DGKB: variants seen among roughly 807,000 people sequenced by gnomAD.
DGKB encodes 90 kDa diacylglycerol kinase.
A neutral mutation model predicts 114.3 loss-of-function variants in DGKB; 67 were observed. The ratio of observed to expected loss-of-function variants is 0.59; its 90% CI spans 0.48 to 0.72. DGKB has a LOEUF of 0.72. DGKB is among the 30% of genes least tolerant of loss of function. DGKB has a pLI of 0.00. For synonymous variants in DGKB, 398 were observed against 323.1 expected (o/e 1.23, Z -2.49); for missense variants, 907 against 975.2 (o/e 0.93, Z 0.93).
intron 1 of DGKB, among the ~76,000 whole-genome samples, chr7:14,873,920 A>G (rs1017975580): frequency 6.6e-6 from 1 of 152,126 alleles, no homozygotes; most frequent in Non-Finnish European, 1.5e-5. Context: ...TTGGTATAAA[A>G]TATGGAATAA....
intron 12 of DGKB, among the ~76,000 whole-genome samples, chr7:14,678,437 C>T (rs1327895580): frequency 1.3e-5 from 2 of 151,994 alleles, no homozygotes; most frequent in African/African-American, 4.8e-5. Flanking sequence ...AAGACAGGTG[C>T]ATTCAAGGGA....
At chr7:14,671,678 C>G (rs1818988418) in intron 13 of DGKB, among the ~76,000 whole-genome samples, 1 of 152,142 alleles carries the variant, frequency 6.6e-6, no homozygotes, top group African/African-American at 2.4e-5. Context: ...GGGTCTTGCA[C>G]AGACAGATGG....
chr7:14,221,638 G>C lies in DGKB; in HGVS notation c.2123-43487C>G, dbSNP rs1354206047. Among the ~76,000 whole-genome samples, 3 of 151,188 alleles carry C rather than the reference G, an allele frequency of 2.0e-5. No individual in the cohort carries two copies. The East Asian group carries it at 5.8e-4, about 29-fold the overall frequency. ...TATTGGTCTGTTATATTCTTTTCTT[G>C]TTATATCTTTATGTGATTTCAGTGT... is the stretch of plus-strand genomic sequence containing the variant. On this transcript the variant is annotated intron_variant, in intron 23 of 25. Coordinates refer to ENST00000402815, the MANE Select transcript of DGKB (RefSeq NM_001350709.2).
intron 21 of DGKB, among the ~76,000 whole-genome samples, chr7:14,438,487 G>C (rs1461947714): frequency 6.6e-6 from 1 of 152,072 alleles, no homozygotes; most frequent in Non-Finnish European, 1.5e-5. Context: ...GTTTGATTAT[G>C]TGTTAACTGA....
chr7:14,511,194 G>A (rs1012430389), intron 20 of DGKB, among the ~76,000 whole-genome samples: 5 of 152,178 alleles, frequency 3.3e-5, no homozygotes, highest in African/African-American at 1.2e-4. Flanking sequence ...AGCCATGAAA[G>A]TCCTAGATAG....
intron 20 of DGKB, among the ~76,000 whole-genome samples, chr7:14,564,097 G>T (rs1421679916): frequency 1.3e-5 from 2 of 152,152 alleles, no homozygotes; most frequent in Admixed American, 1.3e-4. Context: ...TAAGCAGGCA[G>T]AAGCTGAGAG....
chr7:14,689,595 G>A (rs1021318598), intron 9 of DGKB, among the ~76,000 whole-genome samples: 2 of 152,108 alleles, frequency 1.3e-5, no homozygotes, highest in African/African-American at 2.4e-5. Flanking sequence ...CACATTGTAA[G>A]GTCACCTGTC....
At chr7:14,232,121 T>C (rs1322966730) in intron 23 of DGKB, among the ~76,000 whole-genome samples, 1 of 151,928 alleles carries the variant, frequency 6.6e-6, no homozygotes, top group Non-Finnish European at 1.5e-5. Context: ...TCCTCTCCTA[T>C]ATGGGATAAA....
At chr7:14,605,363 A>AC (rs1804290671) in intron 17 of DGKB, among the ~76,000 whole-genome samples, 1 of 126,402 alleles carries the variant, frequency 7.9e-6, no homozygotes, top group African/African-American at 3.1e-5. Context: ...TCATATATAT[A>AC]TACTATATAT....
chr7:14,699,822 A>T (rs184324291), intron 7 of DGKB, among the ~76,000 whole-genome samples: 74 of 151,946 alleles, frequency 4.9e-4, no homozygotes, highest in Non-Finnish European at 9.7e-4. Flanking sequence ...TTTATCCCCA[A>T]CTCATTGTTT....
At chr7:14,569,474 AC>A (rs1398460168) in intron 20 of DGKB, among the ~76,000 whole-genome samples, 1 of 152,186 alleles carries the variant, frequency 6.6e-6, no homozygotes, top group Non-Finnish European at 1.5e-5. Context: ...TAGAGTTCTA[AC>A]AAAAGTTTTT....
chr7:14,356,924 A>T (rs1263742011), intron 21 of DGKB, among the ~76,000 whole-genome samples: 2 of 152,174 alleles, frequency 1.3e-5, no homozygotes, highest in African/African-American at 4.8e-5. Context: ...TGAGTTTCTT[A>T]ATCCTGAGTT....
chr7:14,928,922 G>A lies in DGKB; in HGVS notation c.-188+45774C>T, dbSNP rs111768906. On this transcript the variant is annotated intron_variant, in intron 1 of 4. Coordinates refer to the DGKB transcript ENST00000437998. The stretch of plus-strand genomic sequence containing the variant: ...AGCTCTAACTTACAAATGAGAACAT[G>A]CAATATTTATCTTTCTGAGACTGAC... 6.6e-5 allele frequency among the ~76,000 whole-genome samples: 10 copies of A among 151,770 alleles called. 2 individuals are homozygous for A. The highest frequency in any genetic ancestry group is 2.4e-4 in the African/African-American group (10 of 41,434).
At chr7:14,256,839 G>T (rs988943591) in intron 23 of DGKB, among the ~76,000 whole-genome samples, 30 of 152,092 alleles carry the variant, frequency 2.0e-4, no homozygotes, top group Admixed American at 8.5e-4. Context: ...CTTCTCCTTG[G>T]TTTTTCTATA....
At chr7:14,485,411 T>C (rs1584309905) in intron 20 of DGKB, among the ~76,000 whole-genome samples, 2 of 151,608 alleles carry the variant, frequency 1.3e-5, no homozygotes, top group African/African-American at 2.4e-5. Flanking sequence ...ATGGAACCCA[T>C]TGTAGATTTC....
At chr7:14,481,198 A>G (rs943648328) in intron 20 of DGKB, among the ~76,000 whole-genome samples, 4 of 151,962 alleles carry the variant, frequency 2.6e-5, no homozygotes, top group African/African-American at 9.7e-5. Flanking sequence ...TATGTGTCTC[A>G]AATACTTGAT....
intron 21 of DGKB, among the ~76,000 whole-genome samples, chr7:14,428,045 A>C (rs774715004): frequency 6.6e-6 from 1 of 152,102 alleles, no homozygotes; most frequent in Non-Finnish European, 1.5e-5. Flanking sequence ...TATTTTCAAT[A>C]TTGAAAATTT....
intron 20 of DGKB, among the ~76,000 whole-genome samples, chr7:14,507,025 G>T (rs919955458): frequency 1.3e-5 from 2 of 152,174 alleles, no homozygotes; most frequent in Non-Finnish European, 2.9e-5. Context: ...AAATATGGCA[G>T]AGGCACTAGC....
At chr7:14,924,004 A>AAAAAAAAAAAAAT (rs1784632290) in intron 1 of DGKB, among the ~76,000 whole-genome samples, 2 of 133,304 alleles carry the variant, frequency 1.5e-5, no homozygotes, top group Non-Finnish European at 3.3e-5. Flanking sequence ...AAAAAAAAAA[A>AAAAAAAAAAAAAT]GCTTTGTCCT....
Sources: allele counts gnomAD v4.1 joint callset (sites outside exome capture counted in the v4.1 genomes callset), GRCh38; gene constraint gnomAD v4.1.1; transcripts MANE v1.5; gene names NCBI Gene and HGNC (gene_info 2026-07-23, HGNC 2026-07-21).